The following IGF2BP2 variants were observed in gnomAD, a reference collection of about 807,000 sequenced individuals.
IGF2BP2 encodes insulin like growth factor 2 mRNA binding protein 2, also known as insulin-like growth factor 2 mRNA-binding protein 2.
Under a neutral mutation model 75.8 loss-of-function variants are expected in IGF2BP2, and 17 were observed. The ratio of observed to expected loss-of-function variants is 0.22; its 90% confidence interval spans 0.15 to 0.34. IGF2BP2 has a LOEUF of 0.34. Among genes scored for constraint, IGF2BP2 ranks in the 10% least tolerant of loss-of-function variants. The probability of loss-of-function intolerance (pLI) is 1.00; values close to 1 mark genes in which losing one functional copy is unlikely to be tolerated. For synonymous variants in IGF2BP2, 288 were observed against 295.6 expected, an observed-to-expected ratio of 0.97 and a Z score of 0.26; for missense variants, 516 against 772.4, an observed-to-expected ratio of 0.67 and a Z score of 3.93.
At chr3:185,753,539 CA>C (rs1731219858) in intron 2 of IGF2BP2, among the ~76,000 whole-genome samples, 2 of 152,170 alleles carry the variant, frequency 1.3e-5, no homozygotes, top group Non-Finnish European at 2.9e-5. Flanking sequence ...GAAGATAAGG[CA>C]ACTGCGCAAT....
At chr3:185,679,978 A>T (rs1236423327) in intron 7 of IGF2BP2, among the ~76,000 whole-genome samples, 2 of 152,224 alleles carry the variant, frequency 1.3e-5, no homozygotes, top group Non-Finnish European at 2.9e-5. Context: ...GGCAATAATA[A>T]AAATCAGAGC....
chr3:185,654,903 G>T (rs1715181362), intron 12 of IGF2BP2, among the ~76,000 whole-genome samples: 1 of 152,216 alleles, frequency 6.6e-6, no homozygotes, highest in Non-Finnish European at 1.5e-5. Flanking sequence ...CCAGATCTTA[G>T]CTCAGCCCAC....
chr3:185,673,933 AC>A (rs1718901370), intron 9 of IGF2BP2, among the ~76,000 whole-genome samples: 1 of 152,204 alleles, frequency 6.6e-6, no homozygotes, highest in African/African-American at 2.4e-5. Flanking sequence ...GATGTCAAGA[AC>A]CCACAGGAAG....
At chr3:185,762,544 A>C (rs1373169941) in intron 2 of IGF2BP2, among the ~76,000 whole-genome samples, 1 of 151,720 alleles carries the variant, frequency 6.6e-6, no homozygotes, top group East Asian at 1.9e-4. Context: ...AAAAAAAAAA[A>C]AAAGAAAAGA....
intron 10 of IGF2BP2, among the ~76,000 whole-genome samples, chr3:185,665,169 TAAAA>T (rs869141172): frequency 1.0e-5 from 1 of 96,766 alleles, no homozygotes; most frequent in Non-Finnish European, 2.0e-5. Flanking sequence ...CCCTGTTTCT[TAAAA>T]AAAAAAAAAA....
At chr3:185,646,902 G>A in intron 15 of IGF2BP2, 123 bp downstream of exon 15, 2 of 720,016 alleles carry the variant, frequency 2.8e-6, no homozygotes, top group Non-Finnish European at 5.0e-6. Context: ...AAGAACCAGG[G>A]AGAGGTTCCA....
intron 2 of IGF2BP2, among the ~76,000 whole-genome samples, chr3:185,819,986 AT>A (rs1741115530): frequency 6.6e-6 from 1 of 151,996 alleles, no homozygotes; most frequent in Non-Finnish European, 1.5e-5. Context: ...ACAATTACTG[AT>A]TTTTAACTCA....
intron 2 of IGF2BP2, among the ~76,000 whole-genome samples, chr3:185,815,505 G>C (rs2150036034): frequency 6.6e-6 from 1 of 152,294 alleles, no homozygotes; most frequent in East Asian, 1.9e-4. Flanking sequence ...TGAAGCTTTA[G>C]AGCCCTTTGT....
intron 2 of IGF2BP2, among the ~76,000 whole-genome samples, chr3:185,751,150 T>G (rs1199114120): frequency 6.6e-6 from 1 of 152,150 alleles, no homozygotes; most frequent in Non-Finnish European, 1.5e-5. Flanking sequence ...GAGGCAGAGG[T>G]TGCAGTGAGT....
intron 2 of IGF2BP2, among the ~76,000 whole-genome samples, chr3:185,772,377 C>T (rs956291034): frequency 2.0e-5 from 3 of 152,124 alleles, no homozygotes; most frequent in Admixed American, 6.5e-5. Flanking sequence ...ACCTTCCACA[C>T]GATATCTAAA....
chr3:185,646,014 A>C (rs181834998), intron 15 of IGF2BP2, among the ~76,000 whole-genome samples: 42 of 152,032 alleles, frequency 2.8e-4, no homozygotes, highest in Non-Finnish European at 5.9e-4. Context: ...GGGACAGGGG[A>C]GGGAGGGAGG....
At chr3:185,737,320 G>GAGTT (rs1728988021) in intron 2 of IGF2BP2, among the ~76,000 whole-genome samples, 1 of 151,988 alleles carries the variant, frequency 6.6e-6, no homozygotes, top group Non-Finnish European at 1.5e-5. Context: ...AACATTCTAG[G>GAGTT]TGCTCCTTGT....
At chr3:185,797,835 G>A in intron 2 of IGF2BP2, among the ~76,000 whole-genome samples, 1 of 149,432 alleles carries the variant, frequency 6.7e-6, no homozygotes, top group Non-Finnish European at 1.5e-5. Context: ...AGCCTGGCGA[G>A]GTCAAGGCTC....
At chr3:185,803,216 T>C (rs1448903983) in intron 2 of IGF2BP2, among the ~76,000 whole-genome samples, 1 of 152,166 alleles carries the variant, frequency 6.6e-6, no homozygotes, top group African/African-American at 2.4e-5. Context: ...CCGGGTGTGG[T>C]GGCAGGTGCC....
At position 185,647,277 on chromosome 3, in the gene IGF2BP2, G is replaced by C; in HGVS notation, c.1594-139C>G. On this transcript the variant is annotated intron_variant, in intron 14 of 15. Coordinates refer to ENST00000382199, the MANE Select transcript of IGF2BP2 (RefSeq NM_006548.6). The surrounding 1 kb of genome is among the most constrained non-coding windows in gnomAD (Gnocchi z 4.9). ...TCTGCTCTCCTTTCCTTTTATCAAG[G>C]ACACCCCGGGGGCTCCTCTGCCCCT... 1.5e-6 allele frequency: 1 copy of C among 664,840 alleles called. No homozygotes were observed. Among genetic ancestry groups the C allele is most frequent in the Non-Finnish European group, 2.7e-6 (1 of 368,384 alleles). The allele number at this position is 664,840 out of a possible 1,614,324, so 41.2% of individuals were successfully genotyped here.
intron 2 of IGF2BP2, among the ~76,000 whole-genome samples, chr3:185,788,339 G>A (rs999367195): frequency 6.6e-6 from 1 of 152,038 alleles, no homozygotes; most frequent in Non-Finnish European, 1.5e-5. Context: ...GAGCAATATA[G>A]GGAGACTTTG....
chr3:185,732,579 C>T (rs1260808896), intron 2 of IGF2BP2, among the ~76,000 whole-genome samples: 2 of 152,212 alleles, frequency 1.3e-5, no homozygotes, highest in East Asian at 1.9e-4. Flanking sequence ...CAACATACTA[C>T]AAGGACCCTC....
chr3:185,736,614 T>A (rs1454061284), intron 2 of IGF2BP2, among the ~76,000 whole-genome samples: 1 of 152,198 alleles, frequency 6.6e-6, no homozygotes, highest in Admixed American at 6.5e-5. Context: ...GGCCGTGAAT[T>A]AAACAATAAG....
At chr3:185,719,824 ACT>A (rs2149460519) in intron 2 of IGF2BP2, among the ~76,000 whole-genome samples, 1 of 152,182 alleles carries the variant, frequency 6.6e-6, no homozygotes, top group South Asian at 2.1e-4. Flanking sequence ...ACAGAGCGAG[ACT>A]CTGTCTCAAA....
Sources: gnomAD v4.1 joint callset for allele counts (sites outside exome capture counted in the v4.1 genomes callset) on GRCh38, gnomAD v4.1.1 for gene constraint, Gnocchi (gnomAD v3.1) non-coding constraint, MANE v1.5 for transcripts, NCBI Gene and HGNC (gene_info 2026-07-23, HGNC 2026-07-21) for gene names.